HIF1AN: variants seen among roughly 807,000 people sequenced by gnomAD.
The protein encoded by HIF1AN is hypoxia inducible factor 1 subunit alpha inhibitor.
HIF1AN carries 21 observed loss-of-function variants against 47.7 expected under a neutral mutation model. The observed-to-expected ratio is 0.44, with a 90% CI of 0.31 to 0.63. The LOEUF (loss-of-function observed/expected upper bound fraction) is 0.63. Ranked by LOEUF, HIF1AN falls within the 30% of genes least tolerant of loss-of-function variation. The probability of loss-of-function intolerance (pLI) is 0.07; values close to 1 mark genes in which losing one functional copy is unlikely to be tolerated. For synonymous variants in HIF1AN, 152 were observed against 155.9 expected (o/e 0.98, Z 0.18); for missense variants, 320 against 432.7 (o/e 0.74, Z 2.31).
At position 100,551,057 on chromosome 10, in the gene HIF1AN, C is replaced by G. The variant is rs941913982; in HGVS notation, c.*2920C>G. ...GAGGTCAGCTACGCTGCAGGCTCATCTATTCACACCAGCAGGTACAGAGAA... is the reference window on the plus strand; with the variant it reads ...GAGGTCAGCTACGCTGCAGGCTCATGTATTCACACCAGCAGGTACAGAGAA... On this transcript the variant is annotated 3_prime_UTR_variant, in exon 8 of 8. Coordinates refer to ENST00000299163, the MANE Select transcript of HIF1AN (RefSeq NM_017902.3). 1 of 152,194 alleles carries G rather than the reference C, an allele frequency of 6.6e-6. No individual in the cohort carries two copies. The allele number at this position is 152,194 out of a possible 1,614,324, so 9.4% of individuals were successfully genotyped here.
chr10:100,551,658 T>C lies in HIF1AN; in HGVS notation c.*3521T>C, dbSNP rs1843161290. The C allele has an allele frequency of 6.6e-6, 1 of 152,146 alleles. No individual in the cohort carries two copies. Among genetic ancestry groups the C allele is most frequent in the African/African-American group, 2.4e-5 (1 of 41,420 alleles). 9.4% of individuals were successfully genotyped at this position (152,146 alleles called of 1,614,324 possible). On this transcript the variant is annotated 3_prime_UTR_variant, in exon 8 of 8. Transcript: ENST00000299163. ...AGTTTTGACATGTGTTTGCCATTTG[T>C]GGAAAATGTTTTTGTAATAGTCAAC...
intron 3 of HIF1AN, among the ~76,000 whole-genome samples, chr10:100,541,334 T>A (rs1008345455): frequency 6.6e-6 from 1 of 152,124 alleles, no homozygotes; most frequent in Non-Finnish European, 1.5e-5. Flanking sequence ...GAGGCTACAG[T>A]GAACTATGAT....
chr10:100,536,358 C>T (rs965317379), intron 1 of HIF1AN, 53 bp from the exon 2 acceptor site: 4 of 1,596,340 alleles, frequency 2.5e-6, no homozygotes, highest in African/African-American at 1.3e-5. Flanking sequence ...GCCAACCCAC[C>T]GGCTCCTTGG....
At position 100,544,469 on chromosome 10, in the gene HIF1AN, T is replaced by C. The variant is rs1484590554; in HGVS notation, c.578-482T>C. Among the ~76,000 whole-genome samples, 3 of 152,236 alleles carry C rather than the reference T, an allele frequency of 2.0e-5. No homozygotes were observed. The East Asian group carries it at 5.8e-4, about 29-fold the overall frequency. ...TTGAAGTGGGAGGAAAGGTTGAGAA[T>C]CTTTGAGTTCCACAGAGCTACCCAA... On this transcript the variant is annotated intron_variant, in intron 3 of 7. Transcript: ENST00000299163.
In HIF1AN at chr10:100,548,910, C is replaced by G. The variant is rs1419917395; in HGVS notation, c.*773C>G. 2 of 152,598 alleles carry G rather than the reference C, an allele frequency of 1.3e-5. No individual in the cohort carries two copies. Among genetic ancestry groups the G allele is most frequent in the African/African-American group, 4.8e-5 (2 of 41,428 alleles). 9.5% of individuals were successfully genotyped at this position (152,598 alleles called of 1,614,324 possible). A position where few individuals can be genotyped will look rare whatever the true frequency, so the allele number is the denominator to read the frequency against. ...TATAGTTTCTCTCTTTCAGCACCAG[C>G]TCTTGCCCCTATGCTGGGTACCAAG... On this transcript the variant is annotated 3_prime_UTR_variant, in exon 8 of 8. Coordinates refer to ENST00000299163, the MANE Select transcript of HIF1AN (RefSeq NM_017902.3).
intron 3 of HIF1AN, among the ~76,000 whole-genome samples, chr10:100,541,381 A>G (rs781435860): frequency 5.9e-5 from 9 of 152,200 alleles, no homozygotes; most frequent in Non-Finnish European, 1.3e-4. Context: ...ACAGAGTGAG[A>G]TCCTATTGCT....
Position 100,550,684 on chromosome 10 carries a change from T to C in HIF1AN, c.*2547T>C, listed in dbSNP as rs2133732860. ...AAAAACTGCCTGGGAAGCCATATTA[T>C]GAATTAGTGCTAGAAGAAGCTGTGG... is the stretch of plus-strand genomic sequence containing the variant. On this transcript the variant is annotated 3_prime_UTR_variant, in exon 8 of 8. Coordinates refer to ENST00000299163, the MANE Select transcript of HIF1AN (RefSeq NM_017902.3). 6.6e-6 allele frequency: 1 copy of C among 152,362 alleles called. No individual in the cohort carries two copies. Among genetic ancestry groups the C allele is most frequent in the South Asian group, 2.1e-4 (1 of 4,832 alleles). 9.4% of individuals were successfully genotyped at this position (152,362 alleles called of 1,614,324 possible).
In HIF1AN at chr10:100,539,005, A is replaced by G. The variant is rs1001620658; in HGVS notation, c.429-1629A>G. On this transcript the variant is annotated intron_variant, in intron 2 of 7. Transcript: ENST00000299163. ...ACTGCAACCTTCACCTCCCAGGCTC[A>G]AGCGATCCTCCCACGTCAGCCTGTC... Among the ~76,000 whole-genome samples, 11 of 150,932 alleles carry G rather than the reference A, an allele frequency of 7.3e-5. No homozygotes were observed. In the South Asian group the frequency reaches 2.3e-3, roughly 32 times the overall value.
chr10:100,555,696 A>G lies in HIF1AN; in HGVS notation c.*7559A>G, dbSNP rs758177710. On this transcript the variant is annotated 3_prime_UTR_variant, in exon 8 of 8. Coordinates refer to ENST00000299163, the MANE Select transcript of HIF1AN (RefSeq NM_017902.3). ...CTTGCAGTCACGTCTTTCCTTCTAG[A>G]TAACTGGCTCTGGGCCTTGGAAACC... 3 of 152,242 alleles carry G rather than the reference A, an allele frequency of 2.0e-5. No homozygotes were observed. The highest frequency in any genetic ancestry group is 2.9e-5 in the Non-Finnish European group (2 of 68,078). The allele number at this position is 152,242 out of a possible 1,614,324, so 9.4% of individuals were successfully genotyped here.
At chr10:100,545,905 GTGA>G (rs1843088914) in intron 4 of HIF1AN, 35 bp from the exon 5 acceptor site, 1 of 1,371,744 alleles carries the variant, frequency 7.3e-7, no homozygotes, top group South Asian at 1.2e-5. Flanking sequence ...TGAAGATTTG[GTGA>G]TTGATATTTT....
At chr10:100,545,889 T>G (rs1201124971) in intron 4 of HIF1AN, 54 bp from the exon 5 acceptor site, 1 of 1,205,254 alleles carries the variant, frequency 8.3e-7, no homozygotes, top group Non-Finnish European at 1.2e-6. Context: ...ATAGTAGTTT[T>G]ACTGGTGAAG....
chr10:100,536,701 A>C (rs772934343), intron 2 of HIF1AN, 40 bp downstream of exon 2: 9 of 1,609,038 alleles, frequency 5.6e-6, no homozygotes, highest in Non-Finnish European at 3.4e-6. Flanking sequence ...GATTTAGGAC[A>C]CTCATTTTTC....
At chr10:100,546,439 T>TTC in intron 5 of HIF1AN, 79 bp from the exon 6 acceptor site, 5 of 686,524 alleles carry the variant, frequency 7.3e-6, no homozygotes, top group South Asian at 1.5e-5. Context: ...AGCCCAACCC[T>TTC]GCCACCCCCC....
intron 7 of HIF1AN, among the ~76,000 whole-genome samples, 193 bp from the exon 8 acceptor site, chr10:100,547,900 C>T (rs982542500): frequency 1.3e-5 from 2 of 152,150 alleles, no homozygotes; most frequent in African/African-American, 2.4e-5. Flanking sequence ...ACAAGATGGA[C>T]CCCTGAGGGA....
At chr10:100,536,755 G>A (rs1852228427) in intron 2 of HIF1AN, 94 bp downstream of exon 2, 4 of 1,365,466 alleles carry the variant, frequency 2.9e-6, no homozygotes, top group South Asian at 2.6e-5. Context: ...GGGTCAATTA[G>A]AGATTGGCCT....
chr10:100,546,114 GT>G, intron 5 of HIF1AN, 65 bp downstream of exon 5: 1 of 1,119,188 alleles, frequency 8.9e-7, no homozygotes, highest in Non-Finnish European at 1.4e-6. Context: ...GGAAAGCCTT[GT>G]CTGTGTCGCT....
intron 3 of HIF1AN, among the ~76,000 whole-genome samples, chr10:100,542,220 C>T (rs774132787): frequency 5.9e-5 from 9 of 151,648 alleles, no homozygotes; most frequent in East Asian, 1.9e-4. Context: ...AATCTGTTGT[C>T]GACTAAAATG....
chr10:100,547,570 C>T (rs1393600286), intron 7 of HIF1AN, among the ~76,000 whole-genome samples: 2 of 152,254 alleles, frequency 1.3e-5, no homozygotes, highest in East Asian at 3.9e-4. Flanking sequence ...GCCAGGGCTG[C>T]TGTAGGTAAT....
Position 100,536,126 on chromosome 10 carries a change from T to G in HIF1AN, c.168T>G (p.Ile56Met), listed in dbSNP as rs1362772327. Residue 56 changes from isoleucine (I) to methionine (M), a missense_variant, in exon 1 of 8, where the codon ATT becomes ATG. By Grantham distance (10) the Ile-to-Met change is conservative. Coordinates refer to ENST00000299163, the MANE Select transcript of HIF1AN (RefSeq NM_017902.3). ...GCGACCCCCGGGCAGAGGAGCTTATTGAGAATGAGGTGGGGGGCGGGGCCG... is the reference window on the plus strand; with the variant it reads ...GCGACCCCCGGGCAGAGGAGCTTATGGAGAATGAGGTGGGGGGCGGGGCCG... ...SQSDPRAEEL[I>M]ENEEPVVLTD... 3 of 1,598,682 alleles carry G rather than the reference T, an allele frequency of 1.9e-6. No individual in the cohort carries two copies. Among genetic ancestry groups the G allele is most frequent in the Non-Finnish European group, 2.6e-6 (3 of 1,172,156 alleles).
Sources: allele counts gnomAD v4.1 joint callset (sites outside exome capture counted in the v4.1 genomes callset), GRCh38; gene constraint gnomAD v4.1.1; transcripts MANE v1.5; gene names NCBI Gene and HGNC (gene_info 2026-07-23, HGNC 2026-07-21).